IMPA2: variants seen among roughly 807,000 people sequenced by gnomAD.
IMPA2 encodes inositol monophosphatase 2.
IMPA2 carries 32 observed loss-of-function variants against 35.1 expected under a neutral mutation model. The observed-to-expected ratio is 0.91, with a 90% confidence interval of 0.69 to 1.23. The LOEUF (loss-of-function observed/expected upper bound fraction) is 1.23. IMPA2 is among the 50% of genes most tolerant of loss of function. The pLI is 0.00. For missense variants in IMPA2, 334 were observed against 387.6 expected, an observed-to-expected ratio of 0.86 and a Z score of 1.16; for synonymous variants, 135 against 160.6, an observed-to-expected ratio of 0.84 and a Z score of 1.20.
chr18:12,023,963 C>G (rs1258010071), intron 5 of IMPA2, among the ~76,000 whole-genome samples: 3 of 152,188 alleles, frequency 2.0e-5, no homozygotes, highest in Non-Finnish European at 2.9e-5. Flanking sequence ...AATATGCACA[C>G]CGTTTGATTC....
intron 1 of IMPA2, among the ~76,000 whole-genome samples, chr18:11,989,225 G>C (rs1294906796): frequency 6.6e-6 from 1 of 152,126 alleles, no homozygotes; most frequent in Admixed American, 6.5e-5. Context: ...AGTTTGTGGA[G>C]GTCATTTCTG....
At position 12,030,490 on chromosome 18, in the gene IMPA2, T is replaced by C. The variant is rs1908018576; in HGVS notation, c.*32T>C. 1.9e-6 allele frequency: 3 copies of C among 1,560,256 alleles called. No homozygotes were observed. Among genetic ancestry groups the C allele is most frequent in the Non-Finnish European group, 2.7e-6 (3 of 1,130,996 alleles). On this transcript the variant is annotated 3_prime_UTR_variant, in exon 8 of 8. Transcript: ENST00000269159. The stretch of plus-strand genomic sequence containing the variant: ...CTGAGGCAAAGCTGCTCCCAAGGCC[T>C]CCCTGGGCTGCTGTGGGCTCCTGGG...
At chr18:12,020,453 A>G (rs1907697854) in intron 5 of IMPA2, among the ~76,000 whole-genome samples, 1 of 152,162 alleles carries the variant, frequency 6.6e-6, no homozygotes, top group South Asian at 2.1e-4. Flanking sequence ...TCGGCCTCCC[A>G]AAGTGCTGGG....
intron 1 of IMPA2, among the ~76,000 whole-genome samples, chr18:11,998,677 C>G (rs145521061): frequency 6.6e-6 from 1 of 152,314 alleles, no homozygotes; most frequent in African/African-American, 2.4e-5. Context: ...GCCGTTCTTA[C>G]AGAGGAAGTT....
intron 1 of IMPA2, chr18:11,994,244 T>C (rs891661649): frequency 2.0e-5 from 3 of 151,742 alleles, no homozygotes; most frequent in African/African-American, 7.3e-5. Context: ...GGTGTGGTGG[T>C]GCGTGCTTGT....
chr18:12,018,029 C>G (rs2068624985), intron 5 of IMPA2: 1 of 157,848 alleles, frequency 6.3e-6, no homozygotes, highest in South Asian at 1.6e-4. Flanking sequence ...GCAACCTCCG[C>G]CTCCCTGGTT....
rs1598708228 is a variant in IMPA2 at position 12,028,921 on chromosome 18, C to G, written c.679C>G (p.Leu227Val). The change falls in exon 7 of 8, where the codon CTG (leucine) becomes GTG (valine). Residue 227 changes from leucine to valine, a missense_variant. Physicochemically the swap from Leu to Val is conservative, Grantham distance 32. Transcript: ENST00000269159. ...CGCGGATGCCTATTACCAGTTTGGC[C>G]TGCACTGCTGGGATCTGGCGGCTGC... The part of the protein sequence containing the change: ...GAADAYYQFG[L>V]HCWDLAAATV... 6.2e-7 allele frequency: 1 copy of G among 1,614,078 alleles called. No homozygotes were observed. Among genetic ancestry groups the G allele is most frequent in the East Asian group, 2.2e-5 (1 of 44,878 alleles).
intron 2 of IMPA2, among the ~76,000 whole-genome samples, chr18:12,000,379 G>C (rs1907082829): frequency 7.5e-6 from 1 of 132,860 alleles, no homozygotes; most frequent in Non-Finnish European, 1.6e-5. Context: ...ATAAATGAAA[G>C]AACAAGCGAG....
At chr18:11,982,059 G>T (rs1002824307) in intron 1 of IMPA2, among the ~76,000 whole-genome samples, 2 of 152,202 alleles carry the variant, frequency 1.3e-5, no homozygotes, top group African/African-American at 2.4e-5. Flanking sequence ...TCTCTCCAGG[G>T]GTAGCGTACG....
At position 12,030,549 on chromosome 18, in the gene IMPA2, TG is replaced by T. The variant is rs1908021405; in HGVS notation, c.*93del. On this transcript the variant is annotated 3_prime_UTR_variant, in exon 8 of 8. Transcript: ENST00000269159. ...CCTCGTGGCCCACGCTCCATGCCAG[TG>T]GCTCACGCTCTGCTCCTGGCTACCC... 1.1e-6 allele frequency: 1 copy of T among 947,086 alleles called. No individual in the cohort carries two copies. The highest frequency in any genetic ancestry group is 1.9e-5 in the Admixed American group (1 of 51,490). 58.7% of individuals were successfully genotyped at this position (947,086 alleles called of 1,614,324 possible).
chr18:11,986,932 CCTTT>C (rs1906683730), intron 1 of IMPA2, among the ~76,000 whole-genome samples: 1 of 152,164 alleles, frequency 6.6e-6, no homozygotes, highest in Non-Finnish European at 1.5e-5. Flanking sequence ...GCAGTGTATT[CCTTT>C]CTTTCTAATG....
At chr18:12,005,608 T>C (rs969511064) in intron 2 of IMPA2, among the ~76,000 whole-genome samples, 1 of 152,242 alleles carries the variant, frequency 6.6e-6, no homozygotes, top group African/African-American at 2.4e-5. Context: ...TTAACTTATA[T>C]TAATAGTTGC....
At chr18:12,002,402 C>G (rs1907137537) in intron 2 of IMPA2, among the ~76,000 whole-genome samples, 1 of 152,096 alleles carries the variant, frequency 6.6e-6, no homozygotes. Flanking sequence ...TATTTTATTT[C>G]ACTCATCCAT....
chr18:12,021,148 T>G (rs1907717743), intron 5 of IMPA2, among the ~76,000 whole-genome samples: 1 of 152,114 alleles, frequency 6.6e-6, no homozygotes, highest in South Asian at 2.1e-4. Flanking sequence ...TCCCAGCACT[T>G]TGGGAGGCTG....
chr18:11,994,888 C>T (rs1906916837), intron 1 of IMPA2: 1 of 152,558 alleles, frequency 6.6e-6, no homozygotes, highest in Non-Finnish European at 1.5e-5. Context: ...GGGTGAGTGC[C>T]CCTCTGCCCG....
chr18:11,987,930 T>G (rs8095694), intron 1 of IMPA2, among the ~76,000 whole-genome samples: 39,829 of 151,542 alleles, frequency 0.26, 6,754 homozygotes, highest in African/African-American at 0.48. Flanking sequence ...TGGGCTTGAG[T>G]TGGTATTTTA....
intron 1 of IMPA2, among the ~76,000 whole-genome samples, chr18:11,997,198 C>T (rs7244678): frequency 0.14 from 20,946 of 152,210 alleles, 1,833 homozygotes; most frequent in East Asian, 0.29. Flanking sequence ...GCAGATGCTA[C>T]GGGAGCCACA....
chr18:12,002,921 G>A (rs182912655), intron 2 of IMPA2, among the ~76,000 whole-genome samples: 4 of 151,730 alleles, frequency 2.6e-5, no homozygotes, highest in Non-Finnish European at 4.4e-5. Flanking sequence ...GGCTGGGCGC[G>A]GTGGTTTACA....
At position 12,028,860 on chromosome 18, in the gene IMPA2, C is replaced by T. The variant is rs1259757268; in HGVS notation, c.618C>T (p.Ser206=). ...TCCCCAGGGTCCGAGTGATTGGAAG[C>T]TCCACATTGGCACTCTGCCACCTGG... ...AKAHGVRVIG[S]STLALCHLAS... The change falls in exon 7 of 8, where the codon AGC becomes AGT. Residue 206 remains serine (S), a synonymous_variant. Transcript: ENST00000269159. The T allele has an allele frequency of 6.2e-7, 1 of 1,614,110 alleles. No homozygotes were observed. The highest frequency in any genetic ancestry group is 1.1e-5 in the South Asian group (1 of 91,078).
Sources: allele counts gnomAD v4.1 joint callset (sites outside exome capture counted in the v4.1 genomes callset), GRCh38; gene constraint gnomAD v4.1.1; transcripts MANE v1.5; gene names NCBI Gene and HGNC (gene_info 2026-07-23, HGNC 2026-07-21).